The following TDRD12 variants were observed in gnomAD, a reference collection of about 807,000 sequenced individuals.
TDRD12 encodes putative ATP-dependent RNA helicase TDRD12.
A neutral mutation model predicts 133.5 loss-of-function variants in TDRD12; 158 were observed. The ratio of observed to expected loss-of-function variants is 1.18; its 90% CI spans 1.04 to 1.35. The LOEUF (loss-of-function observed/expected upper bound fraction) is 1.35, where lower values mean the gene tolerates loss of function less well. TDRD12 is among the 40% of genes most tolerant of loss of function. The pLI, the probability that TDRD12 is intolerant of heterozygous loss-of-function variation, is 0.00. For missense variants in TDRD12, 1,443 were observed against 1,321.3 expected (o/e 1.09, Z -1.43); for synonymous variants, 460 against 477.9 (o/e 0.96, Z 0.49).
intron 1 of TDRD12, among the ~76,000 whole-genome samples, chr19:32,723,300 G>A (rs1968748504): frequency 6.6e-6 from 1 of 151,896 alleles, no homozygotes; most frequent in African/African-American, 2.4e-5. Context: ...CCCCAGGCTG[G>A]AGTGCAGTGG....
At position 32,734,357 on chromosome 19, in the gene TDRD12, TCC is replaced by T. The variant is rs1969158733; in HGVS notation, c.183+2475_183+2476del. Among the ~76,000 whole-genome samples the T allele has an allele frequency of 4.0e-5, 6 of 151,594 alleles. No homozygotes were observed. In the South Asian group the frequency reaches 1.3e-3, roughly 32 times the overall value. On this transcript the variant is annotated intron_variant, in intron 2 of 27. Coordinates refer to ENST00000444215, the Ensembl canonical transcript of TDRD12. ...TGGTTTTGTTTTTCTCTCCTCCTCC[TCC>T]TTTTCTTTTCTTTTCTTTTTTTTTT...
chr19:32,748,597 T>C, intron 5 of TDRD12, 66 bp downstream of exon 5: 9 of 1,477,552 alleles, frequency 6.1e-6, no homozygotes, highest in Non-Finnish European at 8.2e-6. Flanking sequence ...CAGCTTCTGC[T>C]GCTGGCGGGG....
chr19:32,810,153 A>G (rs963135222), exon 23 of TDRD12: 3 of 1,535,076 alleles, frequency 2.0e-6, no homozygotes, highest in Non-Finnish European at 2.6e-6. Context: ...TGATAAACAC[A>G]TGGATCTTTA....
rs1272585793 is a variant in TDRD12 at position 32,821,000 on chromosome 19, A to G, written c.3384-33A>G. 3.3e-6 allele frequency: 5 copies of G among 1,511,262 alleles called. No homozygotes were observed. The East Asian group carries it at 1.2e-4, about 37-fold the overall frequency. The allele number at this position is 1,511,262 out of a possible 1,614,324, so 93.6% of individuals were successfully genotyped here. On this transcript the variant is annotated intron_variant, in intron 27 of 27. Coordinates refer to ENST00000444215, the Ensembl canonical transcript of TDRD12. ...TTCCACTTGGGCAGTTCCTGTAGAG[A>G]GCCAGGTGTTAACCCCTGCCTCTCC... is the stretch of plus-strand genomic sequence containing the variant.
chr19:32,768,172 C>A (rs1970350776), intron 8 of TDRD12, among the ~76,000 whole-genome samples: 1 of 152,100 alleles, frequency 6.6e-6, no homozygotes, highest in East Asian at 1.9e-4. Flanking sequence ...CCAGCTGGTG[C>A]TTTGCAGAAG....
At chr19:32,818,124 A>T (rs12151363) in exon 27 of TDRD12, 87,086 of 702,536 alleles carry the variant, frequency 0.12, 6,248 homozygotes, top group Non-Finnish European at 0.15. Context: ...GCTCAAGACC[A>T]GGATCATCCA....
chr19:32,808,889 T>G (rs1410663971), intron 22 of TDRD12, among the ~76,000 whole-genome samples: 1 of 152,060 alleles, frequency 6.6e-6, no homozygotes, highest in Non-Finnish European at 1.5e-5. Context: ...TCTAACAGGT[T>G]TCATTGTCTG....
chr19:32,815,964 A>G (rs1210464342), intron 26 of TDRD12, among the ~76,000 whole-genome samples: 1 of 152,130 alleles, frequency 6.6e-6, no homozygotes, highest in African/African-American at 2.4e-5. Flanking sequence ...ACTGCACTCC[A>G]GCCTGGCGAC....
chr19:32,720,126 G>T, intron 1 of TDRD12, 30 bp downstream of exon 1: 1 of 1,544,674 alleles, frequency 6.5e-7, no homozygotes, highest in Non-Finnish European at 8.7e-7. Context: ...ACCCACGCCA[G>T]ACCCACGCAG....
At chr19:32,802,999 G>A (rs1231372109) in exon 21 of TDRD12, 28 of 1,535,988 alleles carry the variant, frequency 1.8e-5, no homozygotes, top group Non-Finnish European at 2.4e-5. Context: ...GCCATGCGGT[G>A]GGCGTCCTGC....
chr19:32,774,248 T>C (rs1970518722), intron 10 of TDRD12, among the ~76,000 whole-genome samples: 1 of 152,266 alleles, frequency 6.6e-6, no homozygotes, highest in Non-Finnish European at 1.5e-5. Context: ...TCATAAATGC[T>C]AGACTCTATC....
intron 4 of TDRD12, among the ~76,000 whole-genome samples, chr19:32,745,762 T>TGA (rs1279764352): frequency 9.1e-5 from 10 of 109,686 alleles, no homozygotes; most frequent in African/African-American, 4.3e-4. Context: ...TGTGTGTGTG[T>TGA]GAGAGAGAGA....
At chr19:32,826,920 C>T (rs1967611544) in intron 9 of TDRD12, among the ~76,000 whole-genome samples, 171 bp downstream of exon 32, 1 of 152,302 alleles carries the variant, frequency 6.6e-6, no homozygotes, top group South Asian at 2.1e-4. Context: ...GGTTTGAGTA[C>T]TTTTCAACCC....
Position 32,801,722 on chromosome 19 carries a change from G to T in TDRD12, c.2080-34G>T. The T allele has an allele frequency of 4.7e-6, 4 of 846,398 alleles. No homozygotes were observed. In the South Asian group the frequency reaches 8.2e-5, roughly 17 times the overall value. 52.4% of individuals were successfully genotyped at this position (846,398 alleles called of 1,614,324 possible). A position where few individuals can be genotyped will look rare whatever the true frequency, so the allele number is the denominator to read the frequency against. ...CGGTTGGCTTCCAGCCTATATCCCT[G>T]ACTGTGACCTGGCCTCTTTGATTTC... is the stretch of plus-strand genomic sequence containing the variant. On this transcript the variant is annotated intron_variant, in intron 18 of 27. Coordinates refer to ENST00000444215, the Ensembl canonical transcript of TDRD12.
chr19:32,789,230 T>C (rs910363683), intron 11 of TDRD12, among the ~76,000 whole-genome samples: 1 of 152,210 alleles, frequency 6.6e-6, no homozygotes, highest in Non-Finnish European at 1.5e-5. Context: ...GTCAACTGTC[T>C]TGGGGCTGTT....
chr19:32,722,201 C>T (rs1419945580), intron 1 of TDRD12, among the ~76,000 whole-genome samples: 3 of 152,194 alleles, frequency 2.0e-5, no homozygotes, highest in Non-Finnish European at 4.4e-5. Flanking sequence ...TCAGTCCTAA[C>T]GATGCTAGTC....
intron 2 of TDRD12, among the ~76,000 whole-genome samples, chr19:32,736,856 G>T (rs1057185094): frequency 6.6e-6 from 1 of 152,142 alleles, no homozygotes. Context: ...CTGCAGGGTG[G>T]TTCTCCTTAA....
intron 1 of TDRD12, among the ~76,000 whole-genome samples, chr19:32,721,770 C>T (rs1184449631): frequency 4.8e-5 from 7 of 145,118 alleles, no homozygotes; most frequent in East Asian, 2.1e-4. Context: ...TGCAGTGGCG[C>T]GATCTCAGCT....
At chr19:32,794,260 C>T (rs1007491755) in intron 13 of TDRD12, among the ~76,000 whole-genome samples, 13 of 151,940 alleles carry the variant, frequency 8.6e-5, no homozygotes, top group African/African-American at 2.4e-4. Context: ...CATGCACCAC[C>T]ACACCTGGCT....
Sources: allele counts gnomAD v4.1 joint callset (sites outside exome capture counted in the v4.1 genomes callset), GRCh38; gene constraint gnomAD v4.1.1; transcripts MANE v1.5; gene names NCBI Gene and HGNC (gene_info 2026-07-23, HGNC 2026-07-21).